Variants in THOC2 observed in about 807,000 individuals in gnomAD.
THOC2 encodes THO complex subunit 2.
A neutral mutation model predicts 128.4 loss-of-function variants in THOC2; 10 were observed. The observed-to-expected ratio is 0.08, with a 90% confidence interval of 0.05 to 0.13. The LOEUF (loss-of-function observed/expected upper bound fraction) is 0.13. Ranked by LOEUF, THOC2 falls within the 10% of genes least tolerant of loss-of-function variation. The pLI is 1.00. For missense variants in THOC2, 535 were observed against 1,155.7 expected (o/e 0.46, Z 7.79); for synonymous variants, 393 against 396.9 (o/e 0.99, Z 0.12).
At chrX:123,717,913 C>T (rs1398614461) in intron 1 of THOC2, among the ~76,000 whole-genome samples, 2 of 112,411 alleles carry the variant, frequency 1.8e-5, no homozygotes, top group East Asian at 2.8e-4. Context: ...TCCGCATCTG[C>T]GGATTCAACC....
intron 12 of THOC2, among the ~76,000 whole-genome samples, chrX:123,661,207 C>A (rs972234966): frequency 9.0e-6 from 1 of 111,542 alleles, no homozygotes; most frequent in Admixed American, 9.5e-5. Flanking sequence ...GAGTTCGAGA[C>A]CAGCGTAGCA....
rs1329719136 is a variant in THOC2, at chrX:123,619,332, C to T, written c.4311+69G>A. ...CTTACTGAATGTACTAGGGTGAGGA[C>T]ATCTACTAAATAAAATAAGTAAAGA... On this transcript the variant is annotated intron_variant, in intron 33 of 38. Transcript: ENST00000245838. 1.2e-5 allele frequency: 8 copies of T among 651,145 alleles called. No homozygotes were observed. In the East Asian group the frequency reaches 1.7e-4, roughly 14 times the overall value. 53.7% of individuals were successfully genotyped at this position (651,145 alleles called of 1,213,427 possible).
At position 123,613,612 on chromosome X, in the gene THOC2, T is replaced by C. The variant is rs377373295; in HGVS notation, c.4519+27A>G. 6.8e-5 allele frequency: 82 copies of C among 1,204,981 alleles called. No homozygotes were observed. The South Asian group carries it at 1.4e-3, about 20-fold the overall frequency. On this transcript the variant is annotated intron_variant, in intron 35 of 38. Transcript: ENST00000245838. ...TTTTCCAATTCACTTCGATGATATC[T>C]TCAAAGATATGAATAAGTCTACCTA...
chrX:123,706,963 G>C lies in THOC2; in HGVS notation c.131-14C>G, dbSNP rs1387876015. The C allele has an allele frequency of 4.3e-6, 4 of 932,840 alleles. No homozygotes were observed. Among genetic ancestry groups the C allele is most frequent in the Non-Finnish European group, 5.9e-6 (4 of 679,256 alleles). The allele number at this position is 932,840 out of a possible 1,213,427, so 76.9% of individuals were successfully genotyped here. Reference sequence around the variant, plus strand: ...CTTGCTGGAAATCTGTTGAACATAAGAGAAATAATGTAAGGATACAGTCTC... The same window carrying C: ...CTTGCTGGAAATCTGTTGAACATAACAGAAATAATGTAAGGATACAGTCTC... On this transcript the variant is annotated splice_polypyrimidine_tract_variant and intron_variant, in intron 2 of 38. Coordinates refer to ENST00000245838, the MANE Select transcript of THOC2 (RefSeq NM_001081550.2).
chrX:123,636,850 AC>A (rs1278612541), intron 18 of THOC2, among the ~76,000 whole-genome samples: 1 of 111,938 alleles, frequency 8.9e-6, no homozygotes, highest in Admixed American at 9.5e-5. Flanking sequence ...TGGACAAAAC[AC>A]AAGTCCTGCC....
chrX:123,640,516 T>G (rs1473627460), intron 16 of THOC2, 22 bp downstream of exon 16: 1 of 1,103,413 alleles, frequency 9.1e-7, no homozygotes, highest in Non-Finnish European at 1.2e-6. Context: ...TCCCTTAAAA[T>G]AATATTAACC....
intron 7 of THOC2, among the ~76,000 whole-genome samples, chrX:123,694,702 AGTT>A (rs1024329669): frequency 1.3e-4 from 15 of 112,317 alleles, no homozygotes; most frequent in Non-Finnish European, 2.1e-4. Context: ...ACTGCCACAC[AGTT>A]AAGCAAGAGT....
At chrX:123,728,840 C>T (rs2052108549) in intron 1 of THOC2, among the ~76,000 whole-genome samples, 1 of 112,142 alleles carries the variant, frequency 8.9e-6, no homozygotes, top group Non-Finnish European at 1.9e-5. Flanking sequence ...TTCAAACAAA[C>T]AGATGATATT....
intron 38 of THOC2, among the ~76,000 whole-genome samples, chrX:123,607,754 G>A (rs1477565325): frequency 9.0e-6 from 1 of 110,638 alleles, no homozygotes; most frequent in Admixed American, 9.7e-5. Context: ...TTTCAATCAT[G>A]GAAATATGAC....
intron 38 of THOC2, among the ~76,000 whole-genome samples, chrX:123,608,417 A>C (rs183786261): frequency 0.038 from 3,873 of 101,305 alleles, 143 homozygotes; most frequent in African/African-American, 0.12. Flanking sequence ...AACAAACAAA[A>C]AAAAAAAGAA....
At position 123,613,704 on chromosome X, in the gene THOC2, T is replaced by C. The variant is rs747826328; in HGVS notation, c.4454A>G (p.His1485Arg). The C allele has an allele frequency of 1.7e-6, 2 of 1,209,737 alleles. No homozygotes were observed. The highest frequency in any genetic ancestry group is 2.2e-5 in the Admixed American group (1 of 45,982). Residue 1485 changes from histidine (H) to arginine (R), a missense_variant, in exon 35 of 39, where the codon CAC (histidine) becomes CGC (arginine). Physicochemically the swap from His to Arg is conservative, Grantham distance 29 (BLOSUM62 0). Coordinates refer to ENST00000245838, the MANE Select transcript of THOC2 (RefSeq NM_001081550.2). ...EKDRKERKRD[H>R]SNNDREVPPD... ...TGGCACTTCACGGTCGTTGTTTGAG[T>C]GATCCTAGAACCAAGAATTGTGAAC...
chrX:123,709,000 G>C (rs1264314077), intron 2 of THOC2, among the ~76,000 whole-genome samples: 1 of 111,691 alleles, frequency 9.0e-6, no homozygotes, highest in African/African-American at 3.3e-5. Flanking sequence ...ACCCGCTTTG[G>C]CCTCCCAAAG....
intron 19 of THOC2, among the ~76,000 whole-genome samples, chrX:123,635,447 G>A (rs746026328): frequency 2.2e-4 from 24 of 111,418 alleles, no homozygotes; most frequent in African/African-American, 7.1e-4. Flanking sequence ...TTGTTTGTTT[G>A]CTTTCTACCA....
chrX:123,650,164 A>G (rs113839119), intron 12 of THOC2, among the ~76,000 whole-genome samples: 1,287 of 111,838 alleles, frequency 0.012, 21 homozygotes, highest in African/African-American at 0.039. Flanking sequence ...AACATTCTTA[A>G]AGAAAAGAAT....
chrX:123,643,721 T>C (rs1176087817), intron 15 of THOC2, among the ~76,000 whole-genome samples: 1 of 104,177 alleles, frequency 9.6e-6, no homozygotes, highest in Non-Finnish European at 2.0e-5. Flanking sequence ...ATATAATCCA[T>C]AGGCTCACAG....
At chrX:123,722,468 CA>C (rs1325779582) in intron 1 of THOC2, among the ~76,000 whole-genome samples, 1 of 110,606 alleles carries the variant, frequency 9.0e-6, no homozygotes, top group Non-Finnish European at 1.9e-5. Flanking sequence ...AACACAGGAA[CA>C]AAAAAACCAA....
chrX:123,619,097 G>C (rs183297092), intron 33 of THOC2, among the ~76,000 whole-genome samples: 1 of 112,058 alleles, frequency 8.9e-6, no homozygotes, highest in Non-Finnish European at 1.9e-5. Context: ...TTCCCCGAAT[G>C]TTAAACTTAT....
At chrX:123,675,503 T>C (rs1350181759) in intron 8 of THOC2, among the ~76,000 whole-genome samples, 2 of 110,021 alleles carry the variant, frequency 1.8e-5, no homozygotes, top group Admixed American at 9.8e-5. Flanking sequence ...TAGTCAGGCA[T>C]GGTGGTGCGC....
At position 123,698,646 on chromosome X, in the gene THOC2, G is replaced by A. The variant is rs921128781; in HGVS notation, c.275-895C>T. ...TCCTAGCACTTTGGGAGGCCGAAGC[G>A]GGTGGATCACCTGAGGTCAGGGGTT... is the stretch of plus-strand genomic sequence containing the variant. On this transcript the variant is annotated intron_variant, in intron 4 of 38. Transcript: ENST00000245838. Among the ~76,000 whole-genome samples, 4 of 108,571 alleles carry A rather than the reference G, an allele frequency of 3.7e-5. No homozygotes were observed. The Admixed American group carries it at 4.0e-4, about 11-fold the overall frequency. The allele number at this position is 108,571 out of a possible 115,157, so 94.3% of individuals were successfully genotyped here. A position where few individuals can be genotyped will look rare whatever the true frequency, so the allele number is the denominator to read the frequency against.
Sources: gnomAD v4.1 joint callset for allele counts (sites outside exome capture counted in the v4.1 genomes callset) on GRCh38, gnomAD v4.1.1 for gene constraint, MANE v1.5 for transcripts, NCBI Gene and HGNC (gene_info 2026-07-23, HGNC 2026-07-21) for gene names.